TCAF1: variants seen among roughly 807,000 people sequenced by gnomAD.
TCAF1 encodes the protein TRPM8 channel-associated factor 1.
Under a neutral mutation model 27.3 loss-of-function variants are expected in TCAF1, and 4 were observed. The observed-to-expected ratio is 0.15, with a 90% CI of 0.07 to 0.34. The LOEUF (loss-of-function observed/expected upper bound fraction) is 0.34. TCAF1 is among the 10% of genes least tolerant of loss of function. TCAF1 has a pLI of 1.00. For missense variants in TCAF1, 257 were observed against 425.8 expected, an observed-to-expected ratio of 0.60 and a Z score of 3.49; for synonymous variants, 105 against 167.1, an observed-to-expected ratio of 0.63 and a Z score of 2.87.
At chr7:143,859,878 T>TATATAC (rs1405715950) in intron 6 of TCAF1, among the ~76,000 whole-genome samples, 11 of 32,698 alleles carry the variant, frequency 3.4e-4, no homozygotes, top group Middle Eastern at 0.017. Context: ...TATACATATA[T>TATATAC]ACATATATAT....
intron 1 of TCAF1, among the ~76,000 whole-genome samples, chr7:143,896,356 T>C (rs1813870772): frequency 6.6e-6 from 1 of 152,012 alleles, no homozygotes; most frequent in Non-Finnish European, 1.5e-5. Context: ...CAAAAATATA[T>C]ACATTTATGA....
intron 1 of TCAF1, among the ~76,000 whole-genome samples, chr7:143,899,546 T>C (rs1011673854): frequency 6.6e-6 from 1 of 152,164 alleles, no homozygotes; most frequent in Non-Finnish European, 1.5e-5. Flanking sequence ...TAGAAAACGA[T>C]ACACTAAAAT....
At chr7:143,865,189 G>GC (rs1278931750) in intron 2 of TCAF1, among the ~76,000 whole-genome samples, 1 of 75,770 alleles carries the variant, frequency 1.3e-5, no homozygotes, top group African/African-American at 5.7e-5. Context: ...ATGGAGAAGG[G>GC]GGGGGGTCTC....
At chr7:143,894,096 T>C (rs1387473471) in intron 1 of TCAF1, among the ~76,000 whole-genome samples, 1 of 151,836 alleles carries the variant, frequency 6.6e-6, no homozygotes, top group East Asian at 1.9e-4. Flanking sequence ...AGTAATCATA[T>C]GCCAATAAAT....
At chr7:143,870,999 C>A (rs558409506) in intron 2 of TCAF1, among the ~76,000 whole-genome samples, 19 of 92,960 alleles carry the variant, frequency 2.0e-4, no homozygotes, top group African/African-American at 7.4e-4. Context: ...AAGAAAAATA[C>A]TAATATGGAA....
intron 1 of TCAF1, among the ~76,000 whole-genome samples, chr7:143,878,390 A>AT (rs1256142966): frequency 2.0e-5 from 3 of 152,200 alleles, no homozygotes; most frequent in African/African-American, 7.2e-5. Flanking sequence ...TTACTATTAC[A>AT]TTCATTTCTC....
At chr7:143,887,413 T>G (rs1023529213) in intron 1 of TCAF1, among the ~76,000 whole-genome samples, 2 of 152,268 alleles carry the variant, frequency 1.3e-5, no homozygotes, top group South Asian at 2.1e-4. Flanking sequence ...ACAGAAAACA[T>G]AAGGACAAAT....
At chr7:143,865,152 CT>C (rs1250283327) in intron 2 of TCAF1, among the ~76,000 whole-genome samples, 109 of 143,504 alleles carry the variant, frequency 7.6e-4, no homozygotes, top group African/African-American at 2.7e-3. Context: ...TAATTTTTTT[CT>C]CTTTTATTTT....
chr7:143,859,920 A>G (rs1471381110), intron 6 of TCAF1, among the ~76,000 whole-genome samples: 13 of 74,982 alleles, frequency 1.7e-4, no homozygotes, highest in Non-Finnish European at 1.7e-4. Context: ...ATTACGGAAT[A>G]TATATTATAT....
intron 1 of TCAF1, among the ~76,000 whole-genome samples, chr7:143,898,078 A>G (rs959623411): frequency 2.0e-5 from 3 of 152,124 alleles, no homozygotes; most frequent in African/African-American, 7.2e-5. Flanking sequence ...ATACTTTACT[A>G]TGTTGTTAAT....
chr7:143,887,657 C>T (rs1383913163), intron 1 of TCAF1, among the ~76,000 whole-genome samples: 1 of 152,182 alleles, frequency 6.6e-6, no homozygotes, highest in Non-Finnish European at 1.5e-5. Flanking sequence ...AAATCCTATC[C>T]TCCCTGCTTT....
At chr7:143,859,888 T>TGATATATATTATGG (rs1811799584) in intron 6 of TCAF1, among the ~76,000 whole-genome samples, 1 of 64,070 alleles carries the variant, frequency 1.6e-5, no homozygotes, top group Non-Finnish European at 3.0e-5. Context: ...TACATATATA[T>TGATATATATTATGG]AATATATATT....
intron 1 of TCAF1, chr7:143,882,394 G>A (rs983202988): frequency 2.5e-5 from 25 of 985,284 alleles, no homozygotes; most frequent in Non-Finnish European, 4.8e-6. Flanking sequence ...CAAAGCAGCG[G>A]ATTAGACGCG....
Position 143,876,443 on chromosome 7 carries a change from G to T in TCAF1, c.166C>A (p.Arg56Ser), listed in dbSNP as rs774779542. 1 of 1,609,242 alleles carries T rather than the reference G, an allele frequency of 6.2e-7. No individual in the cohort carries two copies. Among genetic ancestry groups the T allele is most frequent in the East Asian group, 2.2e-5 (1 of 44,876 alleles). Residue 56 changes from arginine (R) to serine (S), a missense_variant, in exon 2 of 9, where the codon CGT becomes AGT. By Grantham distance (110) the Arg-to-Ser change is moderately radical. This residue lies in a region of TCAF1 where 255 missense variants were observed against 260.1 expected (regional missense o/e 0.98). Coordinates refer to ENST00000479870, the MANE Select transcript of TCAF1 (RefSeq NM_014719.3). ...QVLIAASSYG[R>S]GRLVVVSHED... ...TGGGACACGACCACCAGGCGGCCAC[G>T]GCCATAGGAGGAGGCAGCAATGAGG...
At chr7:143,885,317 T>C in intron 1 of TCAF1, 1 of 984,246 alleles carries the variant, frequency 1.0e-6, no homozygotes, top group Non-Finnish European at 1.2e-6. Flanking sequence ...AAATTGGTAG[T>C]GAAGTGGCTA....
At chr7:143,867,935 T>C (rs1471252091) in intron 2 of TCAF1, among the ~76,000 whole-genome samples, 1 of 82,230 alleles carries the variant, frequency 1.2e-5, no homozygotes, top group Admixed American at 1.4e-4. Flanking sequence ...AAAAACAATT[T>C]ACCATAAATC....
chr7:143,876,107 A>C lies in TCAF1; in HGVS notation c.502T>G (p.Phe168Val). The change falls in exon 2 of 9, where the codon TTC (phenylalanine) becomes GTC (valine). Residue 168 changes from phenylalanine (F) to valine (V), a missense_variant. Transcript: ENST00000479870. Reference sequence around the variant, plus strand: ...GTCACGAGGTTCCCAGGGAACGTGAACAGAACCCTTTCATCCTCCCCCTGG... The same window carrying C: ...GTCACGAGGTTCCCAGGGAACGTGACCAGAACCCTTTCATCCTCCCCCTGG... ...ANQGEDERVLFTFPGNLVTSV... is the reference protein window; with the variant it reads ...ANQGEDERVLVTFPGNLVTSV... 1 of 1,614,204 alleles carries C rather than the reference A, an allele frequency of 6.2e-7. No individual in the cohort carries two copies.
At chr7:143,893,964 G>T (rs1813764810) in intron 1 of TCAF1, among the ~76,000 whole-genome samples, 1 of 151,666 alleles carries the variant, frequency 6.6e-6, no homozygotes, top group Non-Finnish European at 1.5e-5. Flanking sequence ...CCAAAAGTTG[G>T]TTTTAATGAA....
chr7:143,886,467 A>G (rs903089796), intron 1 of TCAF1: 1 of 977,514 alleles, frequency 1.0e-6, no homozygotes, highest in Non-Finnish European at 1.2e-6. Flanking sequence ...GCATAGGTTA[A>G]GAACTCTATT....
Sources: allele counts gnomAD v4.1 joint callset (sites outside exome capture counted in the v4.1 genomes callset), GRCh38; gene constraint gnomAD v4.1.1; regional missense constraint gnomAD v4.1.1; transcripts MANE v1.5; gene names NCBI Gene and HGNC (gene_info 2026-07-23, HGNC 2026-07-21).